PRKD1: variants seen among roughly 807,000 people sequenced by gnomAD.
The protein encoded by PRKD1 is protein kinase D1, also known as serine/threonine-protein kinase D1.
In PRKD1, 63 loss-of-function variants were observed where a neutral mutation model predicts 95.9. The ratio of observed to expected loss-of-function variants is 0.66; its 90% CI spans 0.54 to 0.81. The LOEUF (loss-of-function observed/expected upper bound fraction) is 0.81, where lower values mean the gene tolerates loss of function less well. PRKD1 is among the 30% of genes least tolerant of loss of function. PRKD1 has a pLI of 0.00. For missense variants in PRKD1, 1,048 were observed against 1,165.3 expected (o/e 0.90, Z 1.47); for synonymous variants, 425 against 423.1 (o/e 1.00, Z -0.05).
intron 3 of PRKD1, among the ~76,000 whole-genome samples, 184 bp downstream of exon 3, chr14:29,665,893 G>T (rs1882466758): frequency 6.6e-6 from 1 of 151,978 alleles, no homozygotes. Context: ...AGTGGATGAA[G>T]AAAATGTATA....
At chr14:29,663,672 G>A (rs777454516) in intron 4 of PRKD1, 27 bp downstream of exon 4, 1 of 1,606,504 alleles carries the variant, frequency 6.2e-7, no homozygotes, top group Non-Finnish European at 8.5e-7. Flanking sequence ...CATGTAAATG[G>A]GGAAGTGGGT....
At chr14:29,782,832 C>T (rs1201719814) in intron 1 of PRKD1, among the ~76,000 whole-genome samples, 1 of 152,226 alleles carries the variant, frequency 6.6e-6, no homozygotes, top group African/African-American at 2.4e-5. Flanking sequence ...GCGTGAGCCA[C>T]TGCCCCTGGC....
intron 1 of PRKD1, among the ~76,000 whole-genome samples, chr14:29,760,048 G>T (rs1887901660): frequency 6.6e-6 from 1 of 152,130 alleles, no homozygotes; most frequent in South Asian, 2.1e-4. Context: ...TAAATAAGAG[G>T]CCACTGTGTC....
At chr14:29,645,808 C>T (rs923055103) in intron 4 of PRKD1, among the ~76,000 whole-genome samples, 40 of 152,152 alleles carry the variant, frequency 2.6e-4, no homozygotes, top group African/African-American at 8.4e-4. Context: ...TTTCAGTTCC[C>T]ATGCCCCCTT....
At position 29,674,533 on chromosome 14, in the gene PRKD1, C is replaced by T. The variant is rs114651698; in HGVS notation, c.404-8325G>A. On this transcript the variant is annotated intron_variant, in intron 2 of 17. Transcript: ENST00000331968. The stretch of plus-strand genomic sequence containing the variant: ...AATATAAATGGTTGCCCCATGTGTC[C>T]AACGTAGAAGAAAAAGAAAATTAAG... Among the ~76,000 whole-genome samples the T allele has an allele frequency of 9.0e-3, 1,375 of 152,200 alleles. 25 individuals carry two copies. Among genetic ancestry groups the T allele is most frequent in the African/African-American group, 0.03 (1,247 of 41,514 alleles).
chr14:29,751,151 G>A (rs1249576930), intron 1 of PRKD1: 1 of 152,134 alleles, frequency 6.6e-6, no homozygotes, highest in East Asian at 1.9e-4. Flanking sequence ...GGCATGAGAG[G>A]GGACACTGAC....
intron 13 of PRKD1, among the ~76,000 whole-genome samples, chr14:29,620,351 T>C (rs1419166696): frequency 6.6e-6 from 1 of 150,606 alleles, no homozygotes; most frequent in Non-Finnish European, 1.5e-5. Context: ...CAAGAGCTTC[T>C]GCACAGCAAA....
chr14:29,630,983 T>C lies in PRKD1; in HGVS notation c.1431A>G (p.Val477=). The C allele has an allele frequency of 6.2e-7, 1 of 1,613,360 alleles. No individual in the cohort carries two copies. The highest frequency in any genetic ancestry group is 1.3e-5 in the African/African-American group (1 of 75,028). Residue 477 remains valine, a synonymous_variant, in exon 10 of 18, where the codon GTA becomes GTG. Coordinates refer to ENST00000331968, the MANE Select transcript of PRKD1 (RefSeq NM_002742.3). The stretch of plus-strand genomic sequence containing the variant: ...CATTAGGAATTAAAGCTGAAGTTTT[T>C]ACTGGTTCCAGAGACAAAATTTCAG... ...PLSEILSLEP[V]KTSALIPNGA... is the part of the protein sequence containing the mutation.
At chr14:29,918,984 T>C (rs906919553) in intron 1 of PRKD1, among the ~76,000 whole-genome samples, 8 of 152,214 alleles carry the variant, frequency 5.3e-5, no homozygotes, top group African/African-American at 1.9e-4. Flanking sequence ...TTTTATAATA[T>C]ATGCGGGGAA....
chr14:29,722,932 T>C (rs1204087005), intron 2 of PRKD1, among the ~76,000 whole-genome samples: 1 of 151,974 alleles, frequency 6.6e-6, no homozygotes, highest in African/African-American at 2.4e-5. Context: ...GTGATTAAAA[T>C]ACAGTGAAAA....
rs200523021 is a variant in PRKD1, at chr14:29,730,911, T to C, written c.265-5237A>G. On this transcript the variant is annotated intron_variant, in intron 1 of 17. Transcript: ENST00000331968. ...GATATAAAATTTAAGTTAGGAGGAA[T>C]AAGTTCAAGATATCTATTGTATAAT... Among the ~76,000 whole-genome samples, 5 of 152,178 alleles carry C rather than the reference T, an allele frequency of 3.3e-5. No homozygotes were observed. In the East Asian group the frequency reaches 9.7e-4, roughly 29 times the overall value.
At chr14:29,801,369 C>T (rs1319937850) in intron 1 of PRKD1, among the ~76,000 whole-genome samples, 1 of 152,160 alleles carries the variant, frequency 6.6e-6, no homozygotes, top group African/African-American at 2.4e-5. Context: ...AACTGGCCTC[C>T]ACAGCCTGGC....
intron 2 of PRKD1, among the ~76,000 whole-genome samples, chr14:29,692,631 G>A (rs1266435805): frequency 6.6e-6 from 1 of 151,928 alleles, no homozygotes; most frequent in Non-Finnish European, 1.5e-5. Flanking sequence ...CAGTTTGAAT[G>A]TGTATTACAG....
intron 1 of PRKD1, among the ~76,000 whole-genome samples, chr14:29,736,216 T>C (rs886792431): frequency 2.6e-5 from 4 of 152,216 alleles, no homozygotes; most frequent in Admixed American, 6.5e-5. Context: ...TTTTTCTAGA[T>C]TGTTCCTTTT....
At chr14:29,864,686 T>C (rs1383350477) in intron 1 of PRKD1, among the ~76,000 whole-genome samples, 1 of 152,136 alleles carries the variant, frequency 6.6e-6, no homozygotes. Context: ...GATAGTTTGC[T>C]ATCCAAAATG....
intron 1 of PRKD1, among the ~76,000 whole-genome samples, chr14:29,814,922 G>A (rs946837172): frequency 3.3e-5 from 5 of 152,162 alleles, no homozygotes; most frequent in African/African-American, 1.2e-4. Flanking sequence ...GTAAAGGATG[G>A]TTTAATATTT....
At chr14:29,885,094 C>G (rs1893651153) in intron 1 of PRKD1, among the ~76,000 whole-genome samples, 1 of 149,976 alleles carries the variant, frequency 6.7e-6, no homozygotes, top group Non-Finnish European at 1.5e-5. Context: ...CTGCACTCCC[C>G]CCTGGGCAAC....
At chr14:29,855,435 C>T (rs1892461838) in intron 1 of PRKD1, among the ~76,000 whole-genome samples, 1 of 152,144 alleles carries the variant, frequency 6.6e-6, no homozygotes, top group Non-Finnish European at 1.5e-5. Context: ...TTGTTTTGAC[C>T]AATTTCTCCC....
chr14:29,587,163 C>T (rs1019296933), intron 16 of PRKD1, among the ~76,000 whole-genome samples: 1 of 152,098 alleles, frequency 6.6e-6, no homozygotes, highest in African/African-American at 2.4e-5. Flanking sequence ...TGTATAAATA[C>T]ATGAACATTT....
Sources: gnomAD v4.1 joint callset for allele counts (sites outside exome capture counted in the v4.1 genomes callset) on GRCh38, gnomAD v4.1.1 for gene constraint, MANE v1.5 for transcripts, NCBI Gene and HGNC (gene_info 2026-07-23, HGNC 2026-07-21) for gene names.